Variants in CDH13 observed in about 807,000 individuals in gnomAD.
The protein encoded by CDH13 is cadherin-13.
A neutral mutation model predicts 63.8 loss-of-function variants in CDH13; 24 were observed. The ratio of observed to expected loss-of-function variants is 0.38; its 90% CI spans 0.27 to 0.53. The LOEUF is 0.53. Among genes scored for constraint, CDH13 ranks in the 20% least tolerant of loss-of-function variants. The probability of loss-of-function intolerance (pLI) is 0.85; values close to 1 mark genes in which losing one functional copy is unlikely to be tolerated. For synonymous variants in CDH13, 503 were observed against 355.3 expected, an observed-to-expected ratio of 1.42 and a Z score of -4.67; for missense variants, 1,049 against 903.1, an observed-to-expected ratio of 1.16 and a Z score of -2.07.
At chr16:83,117,109 C>G (rs928157263) in intron 3 of CDH13, among the ~76,000 whole-genome samples, 1 of 152,230 alleles carries the variant, frequency 6.6e-6, no homozygotes, top group African/African-American at 2.4e-5. Flanking sequence ...TGAGTCTATT[C>G]TCCACAAAGC....
At chr16:83,617,535 ATTCTT>A (rs1306906519) in intron 8 of CDH13, among the ~76,000 whole-genome samples, 1 of 151,470 alleles carries the variant, frequency 6.6e-6, no homozygotes, top group East Asian at 1.9e-4. Flanking sequence ...TATAATATCT[ATTCTT>A]TTCTCATATG....
chr16:82,705,249 G>A (rs1334422584), intron 1 of CDH13: 2 of 442,056 alleles, frequency 4.5e-6, no homozygotes, highest in Non-Finnish European at 9.0e-6. Context: ...AGGTGCGGCT[G>A]CACTTCAAGA....
At chr16:83,325,809 C>T (rs1181716701) in intron 5 of CDH13, among the ~76,000 whole-genome samples, 1 of 152,142 alleles carries the variant, frequency 6.6e-6, no homozygotes, top group African/African-American at 2.4e-5. Flanking sequence ...CAGAATTAAA[C>T]ACACTCTATC....
At chr16:83,323,210 C>G (rs1219812158) in intron 5 of CDH13, among the ~76,000 whole-genome samples, 1 of 144,990 alleles carries the variant, frequency 6.9e-6, no homozygotes, top group South Asian at 2.3e-4. Context: ...TTCTTTCTTT[C>G]TTTCTTTCTT....
At chr16:83,752,256 A>G (rs1450981220) in intron 11 of CDH13, among the ~76,000 whole-genome samples, 1 of 152,206 alleles carries the variant, frequency 6.6e-6, no homozygotes, top group African/African-American at 2.4e-5. Flanking sequence ...TTATAAATCC[A>G]AAGAAACTAG....
intron 5 of CDH13, among the ~76,000 whole-genome samples, chr16:83,334,944 A>G (rs920499810): frequency 4.0e-4 from 61 of 152,198 alleles, no homozygotes; most frequent in African/African-American, 1.4e-3. Context: ...ATTCATATGT[A>G]AGGACTCAGG....
At chr16:83,556,528 A>T (rs1251774857) in intron 7 of CDH13, among the ~76,000 whole-genome samples, 1 of 152,186 alleles carries the variant, frequency 6.6e-6, no homozygotes, top group Non-Finnish European at 1.5e-5. Context: ...GAGGAAATTG[A>T]ACCTCGGAGG....
At chr16:82,890,935 A>C (rs991116190) in intron 2 of CDH13, among the ~76,000 whole-genome samples, 2 of 151,944 alleles carry the variant, frequency 1.3e-5, no homozygotes, top group Admixed American at 1.3e-4. Flanking sequence ...TACAGGCGTG[A>C]GCCACTGTGC....
At chr16:83,230,125 C>T (rs2039961465) in intron 5 of CDH13, among the ~76,000 whole-genome samples, 1 of 152,154 alleles carries the variant, frequency 6.6e-6, no homozygotes, top group South Asian at 2.1e-4. Context: ...GAAAAATGGG[C>T]AGCTGGCATT....
intron 1 of CDH13, among the ~76,000 whole-genome samples, chr16:82,630,842 G>A (rs955310654): frequency 1.3e-5 from 2 of 152,222 alleles, no homozygotes; most frequent in African/African-American, 4.8e-5. Flanking sequence ...GCGTCTGAGT[G>A]AGTGTGTACA....
At chr16:82,637,991 A>C (rs1204758079) in intron 1 of CDH13, among the ~76,000 whole-genome samples, 4 of 152,226 alleles carry the variant, frequency 2.6e-5, no homozygotes, top group Non-Finnish European at 5.9e-5. Context: ...AAGTACTTGA[A>C]ATAATTACAA....
chr16:82,984,172 A>C (rs17682957), intron 2 of CDH13, among the ~76,000 whole-genome samples: 1 of 152,188 alleles, frequency 6.6e-6, no homozygotes, highest in Admixed American at 6.5e-5. Flanking sequence ...TGAAAGGAAG[A>C]GCAAGGAACC....
chr16:83,700,452 C>T (rs72797240), intron 10 of CDH13, among the ~76,000 whole-genome samples: 1 of 152,122 alleles, frequency 6.6e-6, no homozygotes. Context: ...TCAGTTGCCT[C>T]AGCAGCTGCT....
Position 83,795,034 on chromosome 16 carries a change from C to T in CDH13, c.*4C>T. On this transcript the variant is annotated 3_prime_UTR_variant, in exon 14 of 14. Transcript: ENST00000567109. ...CCCTCTCTATTCAGGTCTGTGAGAA[C>T]TCCTGACGTCTGAAGCTTGACTCCC... is the stretch of plus-strand genomic sequence containing the variant. 1 of 1,591,444 alleles carries T rather than the reference C, an allele frequency of 6.3e-7. No homozygotes were observed. The highest frequency in any genetic ancestry group is 8.6e-7 in the Non-Finnish European group (1 of 1,168,500).
chr16:83,151,582 G>T (rs984808784), intron 4 of CDH13, among the ~76,000 whole-genome samples: 1 of 152,136 alleles, frequency 6.6e-6, no homozygotes, highest in Non-Finnish European at 1.5e-5. Context: ...TTTGCTAAGA[G>T]GTGTTGATAT....
At chr16:82,813,768 C>G (rs55908879) in intron 1 of CDH13, among the ~76,000 whole-genome samples, 14,243 of 152,176 alleles carry the variant, frequency 0.094, 807 homozygotes, top group South Asian at 0.14. Flanking sequence ...GAGGCTGCCT[C>G]CATCTACAGG....
chr16:83,311,789 A>G (rs976300929), intron 5 of CDH13, among the ~76,000 whole-genome samples: 1 of 152,210 alleles, frequency 6.6e-6, no homozygotes, highest in Non-Finnish European at 1.5e-5. Context: ...TAAAAGAAGA[A>G]CCTTGCCAGG....
At chr16:83,167,095 C>G (rs187656641) in intron 4 of CDH13, among the ~76,000 whole-genome samples, 1 of 151,936 alleles carries the variant, frequency 6.6e-6, no homozygotes, top group Admixed American at 6.6e-5. Flanking sequence ...AATAATTCCA[C>G]GAAGGTTTAT....
intron 5 of CDH13, among the ~76,000 whole-genome samples, chr16:83,235,521 T>G (rs2040118036): frequency 6.6e-6 from 1 of 151,762 alleles, no homozygotes; most frequent in Non-Finnish European, 1.5e-5. Flanking sequence ...ATCTGAGAAA[T>G]GACCAGTAAC....
Sources: gnomAD v4.1 joint callset for allele counts (sites outside exome capture counted in the v4.1 genomes callset) on GRCh38, gnomAD v4.1.1 for gene constraint, MANE v1.5 for transcripts, NCBI Gene and HGNC (gene_info 2026-07-23, HGNC 2026-07-21) for gene names.